PNPLA7: variants seen among roughly 807,000 people sequenced by gnomAD.
PNPLA7 encodes the protein patatin like domain 7, lysophospholipase, also known as patatin-like phospholipase domain-containing protein 7.
A neutral mutation model predicts 161.7 loss-of-function variants in PNPLA7; 153 were observed. The observed-to-expected ratio is 0.95, with a 90% CI of 0.83 to 1.08. PNPLA7 has a LOEUF of 1.08. Ranked by LOEUF, PNPLA7 falls within the 50% of genes least tolerant of loss-of-function variation. The pLI, the probability that PNPLA7 is intolerant of heterozygous loss-of-function variation, is 0.00. For synonymous variants in PNPLA7, 809 were observed against 782.1 expected (o/e 1.03, Z -0.57); for missense variants, 1,739 against 1,856.6 (o/e 0.94, Z 1.16).
Position 137,547,334 on chromosome 9 carries a change from GA to G in PNPLA7, c.167del (p.Phe56SerfsTer26), listed in dbSNP as rs1836589167. The G allele has an allele frequency of 1.2e-6, 2 of 1,613,594 alleles. No homozygotes were observed. ...ALALVGVLIL[F>X]MFRRLRQFRQ... ...GAAATTGTCTAAGCCTTCTGAACAT[GA>G]AAAGGATGAGGACACCAACCAAGGC... is the stretch of plus-strand genomic sequence containing the variant. On this transcript the variant is annotated frameshift_variant, in exon 3 of 35. Transcript: ENST00000406427. LOFTEE classifies it high-confidence loss of function. This position sits in a 1 kb window ranked among gnomAD's most constrained non-coding sequence, Gnocchi z 4.6.
At position 137,522,759 on chromosome 9, in the gene PNPLA7, T is replaced by G. The variant is rs1835093942; in HGVS notation, c.846A>C (p.Lys282Asn). The G allele has an allele frequency of 1.2e-6, 2 of 1,613,568 alleles. No individual in the cohort carries two copies. The highest frequency in any genetic ancestry group is 1.7e-5 in the Admixed American group (1 of 59,998). ...CCACCCTCACCAGAGTTTCCGGATA[T>G]TTCTCAAAAACTCCATGAAAAGCCG... ...PAAAFHGVFE[K>N]YPETLVRVVQ... Residue 282 changes from lysine (K) to asparagine (N), a missense_variant, in exon 9 of 35, where the codon AAA becomes AAC. Lys to Asn is a moderately conservative substitution (Grantham distance 94, BLOSUM62 0). Around this residue, in one of 6 missense-constraint regions of PNPLA7, gnomAD observed 152 missense variants for 193.5 expected, o/e 0.79. Transcript: ENST00000406427.
intron 12 of PNPLA7, among the ~76,000 whole-genome samples, 196 bp from the exon 13 acceptor site, chr9:137,506,279 AG>A (rs1833918479): frequency 6.6e-6 from 1 of 152,148 alleles, no homozygotes; most frequent in African/African-American, 2.4e-5. Context: ...CACCAGCTAC[AG>A]GTTTTCTCCG....
intron 14 of PNPLA7, among the ~76,000 whole-genome samples, chr9:137,502,340 A>G (rs1833481153): frequency 6.6e-6 from 1 of 152,106 alleles, no homozygotes; most frequent in African/African-American, 2.4e-5. Flanking sequence ...AAAAATAAGA[A>G]GCCCCACCCA....
In PNPLA7 at chr9:137,547,261, A is replaced by G; in HGVS notation, c.193+48T>C. The stretch of plus-strand genomic sequence containing the variant: ...GCTCAAAACACATCCCAAGACACCC[A>G]CGCTTTCCCCCAACCCCCCGGGCCA... On this transcript the variant is annotated intron_variant, in intron 3 of 34. Transcript: ENST00000406427. This position sits in a 1 kb window ranked among gnomAD's most constrained non-coding sequence, Gnocchi z 4.6. 1.3e-6 allele frequency: 2 copies of G among 1,573,792 alleles called. No homozygotes were observed. Among genetic ancestry groups the G allele is most frequent in the Non-Finnish European group, 1.7e-6 (2 of 1,144,658 alleles).
chr9:137,526,966 G>C (rs1002808473), intron 8 of PNPLA7, among the ~76,000 whole-genome samples: 4 of 151,938 alleles, frequency 2.6e-5, no homozygotes, highest in African/African-American at 9.7e-5. Context: ...TGCTGAACAG[G>C]AGTGGTAAGA....
In PNPLA7 at chr9:137,520,067, G is replaced by C. The variant is rs1165687269; in HGVS notation, c.958-24C>G. 3 of 1,610,766 alleles carry C rather than the reference G, an allele frequency of 1.9e-6. No homozygotes were observed. The highest frequency in any genetic ancestry group is 1.7e-6 in the Non-Finnish European group (2 of 1,179,578). Reference sequence around the variant, plus strand: ...TCCTGGGACACAAGAAGGAAGTTCAGTGCCACCCCAGGAACACCCCACACC... The same window carrying C: ...TCCTGGGACACAAGAAGGAAGTTCACTGCCACCCCAGGAACACCCCACACC... On this transcript the variant is annotated intron_variant, in intron 10 of 34. Transcript: ENST00000406427. The surrounding 1 kb of genome is among the most constrained non-coding windows in gnomAD (Gnocchi z 5.2).
At chr9:137,536,086 G>A (rs1835871817) in intron 8 of PNPLA7, among the ~76,000 whole-genome samples, 1 of 151,402 alleles carries the variant, frequency 6.6e-6, no homozygotes, top group Non-Finnish European at 1.5e-5. Flanking sequence ...CCAGGAGGCG[G>A]AGCTTGCAGT....
intron 20 of PNPLA7, among the ~76,000 whole-genome samples, chr9:137,487,349 T>A (rs898903996): frequency 1.3e-5 from 2 of 152,208 alleles, no homozygotes; most frequent in African/African-American, 2.4e-5. Context: ...TGGAGCTGAG[T>A]GGCCCAAAGT....
intron 18 of PNPLA7, among the ~76,000 whole-genome samples, chr9:137,496,450 G>A (rs1199097506): frequency 6.6e-6 from 1 of 152,012 alleles, no homozygotes; most frequent in Non-Finnish European, 1.5e-5. Context: ...AGTGGCTCAC[G>A]TCTGTAATCC....
Position 137,520,067 on chromosome 9 carries a change from G to T in PNPLA7, c.958-24C>A. 1 of 1,610,884 alleles carries T rather than the reference G, an allele frequency of 6.2e-7. No individual in the cohort carries two copies. On this transcript the variant is annotated intron_variant, in intron 10 of 34. Coordinates refer to ENST00000406427, the MANE Select transcript of PNPLA7 (RefSeq NM_001098537.3). This position sits in a 1 kb window ranked among gnomAD's most constrained non-coding sequence, Gnocchi z 5.2. ...TCCTGGGACACAAGAAGGAAGTTCA[G>T]TGCCACCCCAGGAACACCCCACACC... is the stretch of plus-strand genomic sequence containing the variant.
At position 137,480,381 on chromosome 9, in the gene PNPLA7, C is replaced by T; in HGVS notation, c.2511G>A (p.Gln837=). ...QADGTLTPWT[Q]RCVRQADCIL... The stretch of plus-strand genomic sequence containing the variant: ...TGCAGTCGGCCTGGCGCACGCAGCG[C>T]TGGGTCCAGGGTGTGAGCGTGCCAT... The change falls in exon 23 of 35, where the codon CAG becomes CAA. Residue 837 remains glutamine, a synonymous_variant. Transcript: ENST00000406427. The T allele has an allele frequency of 6.2e-7, 1 of 1,613,610 alleles. No individual in the cohort carries two copies.
intron 25 of PNPLA7, among the ~76,000 whole-genome samples, chr9:137,473,604 T>C (rs777311840): frequency 6.6e-5 from 10 of 152,182 alleles, no homozygotes; most frequent in African/African-American, 9.7e-5. Context: ...TTCGATACAA[T>C]AGTAAAAGAC....
At chr9:137,505,591 A>G in intron 14 of PNPLA7, 23 bp downstream of exon 14, 1 of 1,612,386 alleles carries the variant, frequency 6.2e-7, no homozygotes, top group Non-Finnish European at 8.5e-7. Context: ...GACAAGGGCC[A>G]GGTGCCCGCC....
At chr9:137,511,200 C>T (rs986606379) in intron 12 of PNPLA7, among the ~76,000 whole-genome samples, 1 of 151,984 alleles carries the variant, frequency 6.6e-6, no homozygotes, top group Admixed American at 6.6e-5. Context: ...GCACCCGTTA[C>T]TTAGTGGACC....
At chr9:137,495,686 C>T (rs981805042) in intron 18 of PNPLA7, among the ~76,000 whole-genome samples, 3 of 152,168 alleles carry the variant, frequency 2.0e-5, no homozygotes, top group Non-Finnish European at 4.4e-5. Flanking sequence ...CCTCATGGTC[C>T]GCCGCCTCGG....
chr9:137,498,128 C>T lies in PNPLA7; in HGVS notation c.1875G>A (p.Gly625=). 2 of 1,613,056 alleles carry T rather than the reference C, an allele frequency of 1.2e-6. No homozygotes were observed. The highest frequency in any genetic ancestry group is 1.1e-5 in the South Asian group (1 of 91,090). The change falls in exon 17 of 35, where the codon GGG becomes GGA. Residue 625 remains glycine (G), a synonymous_variant. Coordinates refer to ENST00000406427, the MANE Select transcript of PNPLA7 (RefSeq NM_001098537.3). Reference sequence around the variant, plus strand: ...CACGGCCTCACCTGTATATTGCTCGCCCGGCCTCCACCTCCACCCAGTCCA... The same window carrying T: ...CACGGCCTCACCTGTATATTGCTCGTCCGGCCTCCACCTCCACCCAGTCCA... ...FALDWVEVEA[G]RAIYRQGDKS... is the part of the protein sequence containing the mutation.
chr9:137,543,669 G>A lies in PNPLA7; in HGVS notation c.365+55C>T, dbSNP rs1564370897. ...CACCAGGCAGCTCAGGGTTGGGGAGGCCAGCACCATGGGGGGCACCTGGGG... is the reference window on the plus strand; with the variant it reads ...CACCAGGCAGCTCAGGGTTGGGGAGACCAGCACCATGGGGGGCACCTGGGG... On this transcript the variant is annotated intron_variant, in intron 5 of 34. Transcript: ENST00000406427. This position sits in a 1 kb window ranked among gnomAD's most constrained non-coding sequence, Gnocchi z 6.9. 6.2e-7 allele frequency: 1 copy of A among 1,611,784 alleles called. No individual in the cohort carries two copies. Among genetic ancestry groups the A allele is most frequent in the East Asian group, 2.2e-5 (1 of 44,862 alleles).
chr9:137,521,385 A>G (rs1834983446), intron 10 of PNPLA7, among the ~76,000 whole-genome samples: 1 of 152,206 alleles, frequency 6.6e-6, no homozygotes, highest in Non-Finnish European at 1.5e-5. Context: ...AGTCCAACGG[A>G]TCAGAGATTT....
At chr9:137,549,349 C>T (rs925945301) in intron 1 of PNPLA7, among the ~76,000 whole-genome samples, 4 of 151,872 alleles carry the variant, frequency 2.6e-5, no homozygotes, top group African/African-American at 9.7e-5. Context: ...GGGCGGATCA[C>T]GAGGTCAGGA....
Sources: gnomAD v4.1 joint callset for allele counts (sites outside exome capture counted in the v4.1 genomes callset) on GRCh38, gnomAD v4.1.1 for gene constraint, gnomAD v4.1.1 regional missense constraint, Gnocchi (gnomAD v3.1) non-coding constraint, MANE v1.5 for transcripts, NCBI Gene and HGNC (gene_info 2026-07-23, HGNC 2026-07-21) for gene names.